TMTC1: variants seen among roughly 807,000 people sequenced by gnomAD.
TMTC1 encodes the protein protein O-mannosyl-transferase TMTC1.
Under a neutral mutation model 104.8 loss-of-function variants are expected in TMTC1, and 73 were observed. The observed-to-expected ratio is 0.70, with a 90% CI of 0.58 to 0.85. The LOEUF (loss-of-function observed/expected upper bound fraction) is 0.85, where lower values mean the gene tolerates loss of function less well. TMTC1 is among the 40% of genes least tolerant of loss of function. The pLI is 0.00. For synonymous variants in TMTC1, 434 were observed against 428.7 expected, an observed-to-expected ratio of 1.01 and a Z score of -0.15; for missense variants, 1,035 against 1,096.1, an observed-to-expected ratio of 0.94 and a Z score of 0.79.
At chr12:29,585,474 G>T (rs1946108204) in intron 7 of TMTC1, among the ~76,000 whole-genome samples, 1 of 152,174 alleles carries the variant, frequency 6.6e-6, no homozygotes, top group Admixed American at 6.5e-5. Flanking sequence ...TTTGGCTTTT[G>T]TTGCCATGGC....
chr12:29,756,007 G>A (rs573246207), intron 3 of TMTC1, 122 bp from the exon 4 acceptor site: 3 of 1,051,132 alleles, frequency 2.9e-6, no homozygotes, highest in Admixed American at 2.9e-5. Flanking sequence ...AAGCAGGTAA[G>A]TAGAGATTTC....
intron 8 of TMTC1, among the ~76,000 whole-genome samples, chr12:29,574,460 G>A (rs1307688874): frequency 6.6e-6 from 1 of 152,112 alleles, no homozygotes; most frequent in Non-Finnish European, 1.5e-5. Context: ...TCACTGTACT[G>A]GTCATCTCAG....
chr12:29,553,337 A>G (rs1194525570), intron 10 of TMTC1, among the ~76,000 whole-genome samples: 11 of 152,222 alleles, frequency 7.2e-5, no homozygotes, highest in Non-Finnish European at 1.0e-4. Flanking sequence ...AGATTAAATA[A>G]TGAATATTAA....
At chr12:29,681,494 C>G (rs1256926551) in intron 5 of TMTC1, among the ~76,000 whole-genome samples, 1 of 152,324 alleles carries the variant, frequency 6.6e-6, no homozygotes, top group East Asian at 1.9e-4. Flanking sequence ...TAGAAGTACA[C>G]AGCACCATCT....
At chr12:29,566,464 G>A (rs1945519346) in intron 9 of TMTC1, among the ~76,000 whole-genome samples, 1 of 152,146 alleles carries the variant, frequency 6.6e-6, no homozygotes, top group African/African-American at 2.4e-5. Flanking sequence ...TGGGGCTCCA[G>A]CGGGGCTGGT....
At chr12:29,633,526 A>G (rs1030762845) in intron 5 of TMTC1, among the ~76,000 whole-genome samples, 190 bp from the exon 6 acceptor site, 1 of 152,248 alleles carries the variant, frequency 6.6e-6, no homozygotes, top group African/African-American at 2.4e-5. Flanking sequence ...TATATCTAAT[A>G]GGTTCTAGCC....
At chr12:29,509,747 A>G (rs915729438) in intron 17 of TMTC1, among the ~76,000 whole-genome samples, 1 of 152,256 alleles carries the variant, frequency 6.6e-6, no homozygotes, top group Non-Finnish European at 1.5e-5. Flanking sequence ...TGATGTCCAC[A>G]AAGACAAAAA....
intron 5 of TMTC1, among the ~76,000 whole-genome samples, chr12:29,646,046 T>C (rs141930308): frequency 5.1e-4 from 77 of 152,278 alleles, no homozygotes; most frequent in Non-Finnish European, 1.0e-3. Context: ...CCAAATACAC[T>C]TGTCCATGGC....
intron 7 of TMTC1, among the ~76,000 whole-genome samples, chr12:29,602,744 T>C (rs1320912250): frequency 6.6e-6 from 1 of 152,228 alleles, no homozygotes; most frequent in Admixed American, 6.5e-5. Context: ...TATTAGGACC[T>C]ATTAAACGCT....
At chr12:29,536,432 C>T (rs1373106958) in intron 10 of TMTC1, 115 bp from the exon 11 acceptor site, 2 of 699,830 alleles carry the variant, frequency 2.9e-6, no homozygotes, top group East Asian at 5.3e-5. Context: ...CTGATTCACT[C>T]TGGATTTATT....
intron 5 of TMTC1, among the ~76,000 whole-genome samples, chr12:29,667,546 T>C (rs1178731533): frequency 1.3e-5 from 2 of 152,006 alleles, no homozygotes; most frequent in African/African-American, 4.8e-5. Context: ...AAGTTAGAGG[T>C]GAAAGGAATC....
At chr12:29,660,899 G>T in intron 5 of TMTC1, 2 of 1,470,500 alleles carry the variant, frequency 1.4e-6, no homozygotes, top group South Asian at 1.3e-5. Context: ...AAACGGGAAA[G>T]AAAAAAAATC....
chr12:29,606,619 A>C (rs1313629171), intron 6 of TMTC1, among the ~76,000 whole-genome samples: 4 of 152,230 alleles, frequency 2.6e-5, no homozygotes, highest in Admixed American at 2.0e-4. Context: ...AAGAGAATGT[A>C]ATACACCCTA....
chr12:29,552,547 C>T (rs780807156), intron 10 of TMTC1, among the ~76,000 whole-genome samples: 11 of 152,086 alleles, frequency 7.2e-5, no homozygotes, highest in Middle Eastern at 3.2e-3. Flanking sequence ...CAGTAGAGTG[C>T]GGTGGTTAGG....
chr12:29,782,461 T>TG (rs34460995), intron 1 of TMTC1, among the ~76,000 whole-genome samples: 100,252 of 151,576 alleles, frequency 0.66, 33,461 homozygotes, highest in South Asian at 0.8. Context: ...TTACACCCGT[T>TG]GCAAAAAGGC....
chr12:29,681,985 A>G (rs991859953), intron 5 of TMTC1, among the ~76,000 whole-genome samples: 4 of 152,226 alleles, frequency 2.6e-5, no homozygotes, highest in Admixed American at 6.5e-5. Flanking sequence ...AACTAAAAAC[A>G]GTGTTTTTTA....
chr12:29,593,777 T>A (rs1328704220), intron 7 of TMTC1, among the ~76,000 whole-genome samples: 1 of 152,238 alleles, frequency 6.6e-6, no homozygotes, highest in Non-Finnish European at 1.5e-5. Context: ...GCTTTTGCAT[T>A]CAAACCTGAT....
At chr12:29,623,231 A>G (rs1440115394) in intron 6 of TMTC1, among the ~76,000 whole-genome samples, 1 of 152,264 alleles carries the variant, frequency 6.6e-6, no homozygotes, top group Non-Finnish European at 1.5e-5. Context: ...TATGAAGAGC[A>G]GGCTGTGGGG....
In TMTC1 at chr12:29,506,712, A is replaced by C. The variant is rs1202580481; in HGVS notation, c.*134T>G. 1.9e-5 allele frequency: 23 copies of C among 1,207,916 alleles called. No homozygotes were observed. Among genetic ancestry groups the C allele is most frequent in the Non-Finnish European group, 2.7e-5 (23 of 844,612 alleles). 74.8% of individuals were successfully genotyped at this position (1,207,916 alleles called of 1,614,324 possible). A position where few individuals can be genotyped will look rare whatever the true frequency, so the allele number is the denominator to read the frequency against. ...GCACTGGGCTACCAGCAGATGTCCC[A>C]AAATGTGTCACCCTGAACTCGGAAT... On this transcript the variant is annotated 3_prime_UTR_variant, in exon 18 of 18. Coordinates refer to ENST00000539277, the MANE Select transcript of TMTC1 (RefSeq NM_001193451.2).
Sources: allele counts gnomAD v4.1 joint callset (sites outside exome capture counted in the v4.1 genomes callset), GRCh38; gene constraint gnomAD v4.1.1; transcripts MANE v1.5; gene names NCBI Gene and HGNC (gene_info 2026-07-23, HGNC 2026-07-21).